The following ZHX2 variants were observed in gnomAD, a reference collection of about 807,000 sequenced individuals.
ZHX2 encodes the protein zinc fingers and homeoboxes 2.
In ZHX2, 6 loss-of-function variants were observed where a neutral mutation model predicts 21.9. The observed-to-expected ratio is 0.27, with a 90% confidence interval of 0.15 to 0.54. The LOEUF (loss-of-function observed/expected upper bound fraction) is 0.54. Ranked by LOEUF, ZHX2 falls within the 20% of genes least tolerant of loss-of-function variation. ZHX2 has a pLI of 0.95. For missense variants in ZHX2, 908 were observed against 1,090.7 expected, an observed-to-expected ratio of 0.83 and a Z score of 2.36; for synonymous variants, 434 against 437.1, an observed-to-expected ratio of 0.99 and a Z score of 0.09.
At chr8:122,886,191 C>A (rs1819838914) in intron 2 of ZHX2, among the ~76,000 whole-genome samples, 1 of 152,110 alleles carries the variant, frequency 6.6e-6, no homozygotes, top group Non-Finnish European at 1.5e-5. Flanking sequence ...CACGGAGAAA[C>A]CTTCAATGCA....
chr8:122,891,215 C>G (rs1310938267), intron 2 of ZHX2, among the ~76,000 whole-genome samples: 4 of 147,986 alleles, frequency 2.7e-5, no homozygotes, highest in Non-Finnish European at 6.0e-5. Flanking sequence ...TTGATTTAAT[C>G]TTCATTATTG....
At chr8:122,939,947 G>T (rs533010927) in intron 2 of ZHX2, among the ~76,000 whole-genome samples, 15 of 152,264 alleles carry the variant, frequency 9.9e-5, no homozygotes, top group African/African-American at 2.6e-4. Flanking sequence ...ACTAATCAAA[G>T]TTATCCTGTG....
intron 1 of ZHX2, among the ~76,000 whole-genome samples, chr8:122,788,221 C>A: frequency 6.6e-6 from 1 of 152,110 alleles, no homozygotes. Flanking sequence ...TTAATCTGAC[C>A]CTGAGGAGTA....
In ZHX2 at chr8:122,953,113, G is replaced by A. The variant is rs781220839; in HGVS notation, c.1603G>A (p.Glu535Lys). The A allele has an allele frequency of 4.3e-5, 70 of 1,613,810 alleles. 1 individual carries two copies. The South Asian group carries it at 7.4e-4, about 17-fold the overall frequency. Residue 535 changes from glutamate to lysine, a missense_variant, in exon 3 of 4, where the codon GAG (glutamate) becomes AAG (lysine). Around this residue, in one of 4 missense-constraint regions of ZHX2, gnomAD observed 431 missense variants for 428.6 expected, o/e 1.01. Coordinates refer to ENST00000314393, the MANE Select transcript of ZHX2 (RefSeq NM_014943.5). The surrounding 1 kb of genome is among the most constrained non-coding windows in gnomAD (Gnocchi z 4.6). ...AGACTTTGCCCCCCAGAAGTTCAAA[G>A]AGAAAACACAGGGTCAGGTTAAAAT... ...YPDFAPQKFK[E>K]KTQGQVKILE...
At chr8:122,897,971 A>G (rs577129914) in intron 2 of ZHX2, among the ~76,000 whole-genome samples, 8 of 152,356 alleles carry the variant, frequency 5.3e-5, no homozygotes, top group African/African-American at 1.2e-4. Context: ...AAGAGAAATC[A>G]TGGTGGTCCG....
chr8:122,859,858 T>C (rs1443332142), intron 1 of ZHX2, among the ~76,000 whole-genome samples: 1 of 152,244 alleles, frequency 6.6e-6, no homozygotes, highest in African/African-American at 2.4e-5. Flanking sequence ...GAATCAGATA[T>C]ATATGGGTAC....
At chr8:122,799,165 C>A (rs774784999) in intron 1 of ZHX2, among the ~76,000 whole-genome samples, 9 of 152,204 alleles carry the variant, frequency 5.9e-5, no homozygotes, top group Non-Finnish European at 8.8e-5. Flanking sequence ...CACTCCCAGC[C>A]CTTTTGATCA....
rs774866564 is a variant in ZHX2, at chr8:122,952,663, T to G, written c.1153T>G (p.Ser385Ala). The change falls in exon 3 of 4, where the codon TCA becomes GCA. Residue 385 changes from serine (S) to alanine (A), a missense_variant. Transcript: ENST00000314393. The surrounding 1 kb of genome is among the most constrained non-coding windows in gnomAD (Gnocchi z 6.9). The stretch of plus-strand genomic sequence containing the variant: ...GGTGCTGACTCAGGTGACCAGCGGG[T>G]CAACAACCGTCTCTTGCTCCCCCAT... ...SLVLTQVTSGSTTVSCSPITL... is the reference protein window; with the variant it reads ...SLVLTQVTSGATTVSCSPITL... 2.5e-6 allele frequency: 4 copies of G among 1,613,742 alleles called. No individual in the cohort carries two copies. The highest frequency in any genetic ancestry group is 3.4e-6 in the Non-Finnish European group (4 of 1,179,970).
At chr8:122,847,254 C>A (rs555531890) in intron 1 of ZHX2, among the ~76,000 whole-genome samples, 34 of 152,284 alleles carry the variant, frequency 2.2e-4, no homozygotes, top group African/African-American at 7.9e-4. Flanking sequence ...CTCCCCCAGC[C>A]AGAAATCTCT....
At chr8:122,908,399 G>T (rs894061628) in intron 2 of ZHX2, among the ~76,000 whole-genome samples, 1 of 151,806 alleles carries the variant, frequency 6.6e-6, no homozygotes. Flanking sequence ...TAGTAGAGAC[G>T]GGGTTTCACC....
chr8:122,840,385 G>T (rs1015157864), intron 1 of ZHX2, among the ~76,000 whole-genome samples: 1 of 152,064 alleles, frequency 6.6e-6, no homozygotes, highest in East Asian at 1.9e-4. Context: ...TCTCCCACTC[G>T]CCAGTCCCTG....
chr8:122,836,804 TG>T (rs1319324642), intron 1 of ZHX2, among the ~76,000 whole-genome samples: 1 of 152,250 alleles, frequency 6.6e-6, no homozygotes, highest in Non-Finnish European at 1.5e-5. Flanking sequence ...GCCTTGGTAC[TG>T]GGCCTGAGAA....
At chr8:122,962,712 T>C (rs895362216) in intron 3 of ZHX2, among the ~76,000 whole-genome samples, 1 of 152,230 alleles carries the variant, frequency 6.6e-6, no homozygotes, top group African/African-American at 2.4e-5. Flanking sequence ...CTGTTTTTCA[T>C]AGTGGTTGTA....
intron 2 of ZHX2, among the ~76,000 whole-genome samples, chr8:122,871,702 A>G (rs1819441686): frequency 1.4e-5 from 2 of 146,872 alleles, no homozygotes; most frequent in South Asian, 4.3e-4. Context: ...CCCTTTACAT[A>G]TAATAAATAA....
intron 1 of ZHX2, among the ~76,000 whole-genome samples, chr8:122,785,024 C>T (rs1243688877): frequency 6.6e-6 from 1 of 152,168 alleles, no homozygotes; most frequent in Non-Finnish European, 1.5e-5. Context: ...GAGTTTGAGC[C>T]GACTGCGGGG....
At chr8:122,833,876 A>G (rs979744271) in intron 1 of ZHX2, among the ~76,000 whole-genome samples, 1 of 152,058 alleles carries the variant, frequency 6.6e-6, no homozygotes, top group Non-Finnish European at 1.5e-5. Context: ...GGGCGCCTGT[A>G]GTCCCAGCTA....
intron 1 of ZHX2, among the ~76,000 whole-genome samples, chr8:122,797,384 C>T (rs543873733): frequency 6.6e-6 from 1 of 152,216 alleles, no homozygotes; most frequent in South Asian, 2.1e-4. Flanking sequence ...CACACAACCT[C>T]GCAAAGCCGC....
rs1305756807 is a variant in ZHX2 at position 122,973,857 on chromosome 8, T to G, written c.*620T>G. 1 of 152,554 alleles carries G rather than the reference T, an allele frequency of 6.6e-6. No individual in the cohort carries two copies. The highest frequency in any genetic ancestry group is 1.5e-5 in the Non-Finnish European group (1 of 68,032). The allele number at this position is 152,554 out of a possible 1,614,324, so 9.5% of individuals were successfully genotyped here. A position where few individuals can be genotyped will look rare whatever the true frequency, so the allele number is the denominator to read the frequency against. On this transcript the variant is annotated 3_prime_UTR_variant, in exon 4 of 4. Transcript: ENST00000314393. ...AGACGGCAGATCTTCCAAATCAAAT[T>G]CCTTTCCAGTTCTTCCCCTGGCTGC...
intron 1 of ZHX2, chr8:122,816,432 A>G (rs1187065650): frequency 6.7e-6 from 1 of 149,326 alleles, no homozygotes; most frequent in Non-Finnish European, 1.5e-5. Context: ...TAATAAACAT[A>G]ATAATGAATC....
Sources: allele counts gnomAD v4.1 joint callset (sites outside exome capture counted in the v4.1 genomes callset), GRCh38; gene constraint gnomAD v4.1.1; regional missense constraint gnomAD v4.1.1; non-coding constraint Gnocchi (gnomAD v3.1); transcripts MANE v1.5; gene names NCBI Gene and HGNC (gene_info 2026-07-23, HGNC 2026-07-21).